Variants in TXLNB observed in about 807,000 individuals in gnomAD.
The protein encoded by TXLNB is beta-taxilin.
TXLNB carries 37 observed loss-of-function variants against 57.4 expected under a neutral mutation model. The observed-to-expected ratio is 0.64, with a 90% CI of 0.50 to 0.85. The LOEUF (loss-of-function observed/expected upper bound fraction) is 0.85. Among genes scored for constraint, TXLNB ranks in the 40% least tolerant of loss-of-function variants. The probability of loss-of-function intolerance (pLI) is 0.00; values close to 1 mark genes in which losing one functional copy is unlikely to be tolerated. For missense variants in TXLNB, 848 were observed against 825.6 expected (o/e 1.03, Z -0.33); for synonymous variants, 302 against 309.6 (o/e 0.98, Z 0.26).
At chr6:139,194,497 G>A in the TXLNB span, among the ~76,000 whole-genome samples, 2 of 152,136 alleles carry the variant, frequency 1.3e-5, no homozygotes, top group African/African-American at 4.8e-5. Context: ...AGAATTCTTG[G>A]AATCATCCTA....
chr6:139,215,329 A>G, the TXLNB span, among the ~76,000 whole-genome samples: 5 of 152,316 alleles, frequency 3.3e-5, no homozygotes, highest in East Asian at 1.9e-4. Flanking sequence ...CCACATATCT[A>G]CAACTATCTG....
Position 139,242,466 on chromosome 6 carries a change from C to A in TXLNB, c.*60G>T. 7.2e-7 allele frequency: 1 copy of A among 1,384,184 alleles called. No homozygotes were observed. Among genetic ancestry groups the A allele is most frequent in the South Asian group, 2.0e-5 (1 of 50,484 alleles). The allele number at this position is 1,384,184 out of a possible 1,614,324, so 85.7% of individuals were successfully genotyped here. On this transcript the variant is annotated 3_prime_UTR_variant, in exon 10 of 10. Coordinates refer to ENST00000358430, the MANE Select transcript of TXLNB (RefSeq NM_153235.4). ...AGCCCTTAATGCCTTTTTCGGAAGA[C>A]AAGCTGTTATGCTGAATATGCAAAG...
At chr6:139,207,539 C>T in the TXLNB span, among the ~76,000 whole-genome samples, 1,766 of 152,102 alleles carry the variant, frequency 0.012, 18 homozygotes, top group South Asian at 0.019. Flanking sequence ...TCTGAAAGAG[C>T]GCAAATAGAC....
chr6:139,309,624 G>A, the TXLNB span, among the ~76,000 whole-genome samples: 7 of 151,924 alleles, frequency 4.6e-5, no homozygotes, highest in East Asian at 1.9e-4. Flanking sequence ...GAAGAGTCTC[G>A]ACATGAAAAT....
chr6:139,195,523 T>C, the TXLNB span, among the ~76,000 whole-genome samples: 2 of 152,220 alleles, frequency 1.3e-5, no homozygotes, highest in East Asian at 1.9e-4. Context: ...TACATTTGAA[T>C]AGGTTCAAGA....
chr6:139,277,994 A>C (rs1275706175), intron 2 of TXLNB, among the ~76,000 whole-genome samples: 1 of 152,224 alleles, frequency 6.6e-6, no homozygotes. Flanking sequence ...GACATGGGGC[A>C]TATTTGTACT....
downstream of TXLNB, among the ~76,000 whole-genome samples, chr6:139,237,079 T>A (rs1775843785): frequency 6.6e-6 from 1 of 152,238 alleles, no homozygotes; most frequent in African/African-American, 2.4e-5. Context: ...CTCATCAGTT[T>A]ATGTCCCTCT....
chr6:139,205,743 G>A, the TXLNB span, among the ~76,000 whole-genome samples: 2 of 152,146 alleles, frequency 1.3e-5, no homozygotes, highest in Non-Finnish European at 2.9e-5. Context: ...AAACCTATAA[G>A]TTTGGAAAAC....
At chr6:139,282,244 A>G (rs1374381659) in intron 2 of TXLNB, among the ~76,000 whole-genome samples, 1 of 149,244 alleles carries the variant, frequency 6.7e-6, no homozygotes, top group African/African-American at 2.5e-5. Flanking sequence ...GCTAAAACAG[A>G]TGAAACAGAC....
chr6:139,322,554 T>C, the TXLNB span, among the ~76,000 whole-genome samples: 5,767 of 152,258 alleles, frequency 0.038, 371 homozygotes, highest in African/African-American at 0.13. Flanking sequence ...GGCAACTCCA[T>C]CCTTTAGTTA....
the TXLNB span, among the ~76,000 whole-genome samples, chr6:139,184,342 T>C: frequency 6.6e-6 from 1 of 152,204 alleles, no homozygotes; most frequent in Non-Finnish European, 1.5e-5. Flanking sequence ...TAGTAGCCCT[T>C]GCTTCAGCAA....
At chr6:139,179,011 T>C in the TXLNB span, 1 of 152,238 alleles carries the variant, frequency 6.6e-6, no homozygotes, top group Non-Finnish European at 1.5e-5. Context: ...TGTTTGATCA[T>C]CTGAAAAAAC....
At chr6:139,267,800 A>C (rs1175964997) in intron 4 of TXLNB, among the ~76,000 whole-genome samples, 1 of 152,202 alleles carries the variant, frequency 6.6e-6, no homozygotes, top group Non-Finnish European at 1.5e-5. Context: ...CAGGCAAACA[A>C]TAAGAGTAAG....
At chr6:139,264,390 C>G (rs1351458106) in intron 4 of TXLNB, among the ~76,000 whole-genome samples, 1 of 151,892 alleles carries the variant, frequency 6.6e-6, no homozygotes. Context: ...AAATGAAACA[C>G]CCCATGCAAG....
chr6:139,229,080 C>T, the TXLNB span, among the ~76,000 whole-genome samples: 39 of 152,084 alleles, frequency 2.6e-4, no homozygotes, highest in South Asian at 8.3e-4. Flanking sequence ...CAGGAAAAAG[C>T]GATATGTCTG....
the TXLNB span, among the ~76,000 whole-genome samples, chr6:139,168,765 G>C: frequency 6.6e-6 from 1 of 152,126 alleles, no homozygotes; most frequent in Non-Finnish European, 1.5e-5. Context: ...GGGAGCATGG[G>C]AATAGATGAT....
chr6:139,296,979 A>G (rs1427404967), upstream of TXLNB, among the ~76,000 whole-genome samples: 4 of 152,168 alleles, frequency 2.6e-5, no homozygotes, highest in Non-Finnish European at 4.4e-5. Context: ...TTTCAATAGT[A>G]TCTCCACTTG....
the TXLNB span, among the ~76,000 whole-genome samples, chr6:139,221,628 T>G: frequency 2.0e-5 from 3 of 152,144 alleles, no homozygotes; most frequent in East Asian, 5.8e-4. Context: ...TAATGATGAT[T>G]TGTACATTCA....
rs2114421101 is a variant in TXLNB, at chr6:139,243,116, C to CAA, written c.1463_1464dup (p.Asp489LeufsTer13). 1 of 1,614,220 alleles carries CAA rather than the reference C, an allele frequency of 6.2e-7. No homozygotes were observed. The highest frequency in any genetic ancestry group is 1.1e-5 in the South Asian group (1 of 91,084). On this transcript the variant is annotated frameshift_variant, in exon 10 of 10. Transcript: ENST00000358430. LOFTEE classifies it low-confidence loss of function (END_TRUNC). Reference sequence around the variant, plus strand: ...TGGACACTATTAACCTCCTCTGCGTCAATCTCTTGATCCACAGAGACGTTT... The same window carrying CAA: ...TGGACACTATTAACCTCCTCTGCGTCAAAATCTCTTGATCCACAGAGACGTTT...
Sources: allele counts gnomAD v4.1 joint callset (sites outside exome capture counted in the v4.1 genomes callset), GRCh38; gene constraint gnomAD v4.1.1; transcripts MANE v1.5; gene names NCBI Gene and HGNC (gene_info 2026-07-23, HGNC 2026-07-21).